Variants in MYO1D observed in about 807,000 individuals in gnomAD.
MYO1D encodes the protein unconventional myosin-Id.
In MYO1D, 83 loss-of-function variants were observed where a neutral mutation model predicts 122.0. The observed-to-expected ratio is 0.68, with a 90% CI of 0.57 to 0.82. The LOEUF is 0.82. MYO1D is among the 40% of genes least tolerant of loss of function. The pLI is 0.00. For synonymous variants in MYO1D, 464 were observed against 446.9 expected, an observed-to-expected ratio of 1.04 and a Z score of -0.48; for missense variants, 1,157 against 1,269.5, an observed-to-expected ratio of 0.91 and a Z score of 1.35.
chr17:32,517,105 C>T (rs890941935), intron 21 of MYO1D, among the ~76,000 whole-genome samples: 1 of 152,216 alleles, frequency 6.6e-6, no homozygotes, highest in African/African-American at 2.4e-5. Flanking sequence ...CCTTGAATTA[C>T]TGGCCCAACT....
At chr17:32,689,597 A>G (rs762052504) in intron 16 of MYO1D, among the ~76,000 whole-genome samples, 1 of 152,166 alleles carries the variant, frequency 6.6e-6, no homozygotes, top group Non-Finnish European at 1.5e-5. Flanking sequence ...CAGAATTAAC[A>G]ATGTGGTTAA....
intron 15 of MYO1D, among the ~76,000 whole-genome samples, chr17:32,713,632 C>CATGATT (rs1567962167): frequency 6.6e-6 from 1 of 151,628 alleles, no homozygotes; most frequent in Non-Finnish European, 1.5e-5. Flanking sequence ...ACATTAAATA[C>CATGATT]ATTATTATTA....
intron 21 of MYO1D, among the ~76,000 whole-genome samples, chr17:32,537,831 CA>C (rs1313796639): frequency 2.0e-5 from 3 of 152,136 alleles, no homozygotes; most frequent in Admixed American, 1.3e-4. Context: ...AAGTGGAAAA[CA>C]ATATAAATAT....
intron 1 of MYO1D, among the ~76,000 whole-genome samples, chr17:32,796,056 C>T (rs1400858712): frequency 6.6e-6 from 1 of 152,188 alleles, no homozygotes; most frequent in Non-Finnish European, 1.5e-5. Flanking sequence ...TAAACCAAAA[C>T]ATGAGAATGA....
chr17:32,861,129 C>T (rs1232922460), intron 1 of MYO1D, among the ~76,000 whole-genome samples: 6 of 148,688 alleles, frequency 4.0e-5, no homozygotes, highest in African/African-American at 1.3e-4. Flanking sequence ...ACTGCAGTGG[C>T]GCAACCTCAG....
At chr17:32,550,214 C>T (rs1422298090) in intron 21 of MYO1D, among the ~76,000 whole-genome samples, 1 of 151,964 alleles carries the variant, frequency 6.6e-6, no homozygotes, top group African/African-American at 2.4e-5. Flanking sequence ...ATTCTCGTGC[C>T]TCAGCCTTCC....
chr17:32,619,510 A>T (rs943426372), intron 20 of MYO1D, among the ~76,000 whole-genome samples: 3 of 152,304 alleles, frequency 2.0e-5, no homozygotes, highest in Admixed American at 6.5e-5. Flanking sequence ...AATGGCTCTC[A>T]ACCATGGCTA....
intron 20 of MYO1D, among the ~76,000 whole-genome samples, chr17:32,612,729 G>A (rs8078020): frequency 1.4e-5 from 2 of 144,622 alleles, no homozygotes; most frequent in African/African-American, 5.1e-5. Flanking sequence ...GAAGAAATTA[G>A]AAGAGAAAAA....
Position 32,618,819 on chromosome 17 carries a change from G to C in MYO1D, c.2710-13578C>G, listed in dbSNP as rs184419159. On this transcript the variant is annotated intron_variant, in intron 20 of 21. Coordinates refer to ENST00000318217, the MANE Select transcript of MYO1D (RefSeq NM_015194.3). ...CTGGCTAATTTTTGTATTTTTAGTA[G>C]AGACAAGGTTTCACCATGTTGGCCA... 2.9e-4 allele frequency among the ~76,000 whole-genome samples: 44 copies of C among 152,032 alleles called. 1 individual carries two copies. In the East Asian group the frequency reaches 7.8e-3, roughly 27 times the overall value.
At chr17:32,692,443 CG>C (rs1196833195) in intron 16 of MYO1D, among the ~76,000 whole-genome samples, 2 of 152,106 alleles carry the variant, frequency 1.3e-5, no homozygotes, top group Non-Finnish European at 1.5e-5. Flanking sequence ...CAATGAAATA[CG>C]TGGCAAAATT....
At chr17:32,870,240 C>G (rs1259926533) in intron 1 of MYO1D, among the ~76,000 whole-genome samples, 1 of 152,104 alleles carries the variant, frequency 6.6e-6, no homozygotes, top group East Asian at 1.9e-4. Context: ...TTTCCAAAGG[C>G]CTTCAAAAGA....
At chr17:32,697,962 G>A (rs1462922183) in intron 16 of MYO1D, among the ~76,000 whole-genome samples, 1 of 152,128 alleles carries the variant, frequency 6.6e-6, no homozygotes, top group Non-Finnish European at 1.5e-5. Flanking sequence ...TGCCACTATG[G>A]TACAAAAGTG....
intron 7 of MYO1D, among the ~76,000 whole-genome samples, chr17:32,766,592 G>A (rs2090060090): frequency 6.6e-6 from 1 of 152,044 alleles, no homozygotes; most frequent in South Asian, 2.1e-4. Flanking sequence ...TCAGGAGATC[G>A]AGACTGTCCT....
chr17:32,755,666 T>C lies in MYO1D; in HGVS notation c.1297-4A>G. 1.9e-6 allele frequency: 3 copies of C among 1,611,592 alleles called. No homozygotes were observed. The highest frequency in any genetic ancestry group is 2.5e-6 in the Non-Finnish European group (3 of 1,178,398). On this transcript the variant is annotated splice_polypyrimidine_tract_variant and splice_region_variant and intron_variant, in intron 10 of 21. Coordinates refer to ENST00000318217, the MANE Select transcript of MYO1D (RefSeq NM_015194.3). ...TCTGATTGTTGAAGTAGTCAATCTG[T>C]AGGACACAGCAAGGAGGGAATTCTG...
intron 16 of MYO1D, among the ~76,000 whole-genome samples, chr17:32,710,536 C>T (rs2089362294): frequency 6.6e-6 from 1 of 152,078 alleles, no homozygotes; most frequent in African/African-American, 2.4e-5. Flanking sequence ...ACATGAAAAG[C>T]CTTCTTAAAG....
intron 21 of MYO1D, among the ~76,000 whole-genome samples, chr17:32,547,995 G>A (rs974477603): frequency 2.6e-5 from 4 of 151,760 alleles, no homozygotes; most frequent in Non-Finnish European, 5.9e-5. Context: ...ATTTTGGACA[G>A]CCCAGTTCTT....
intron 21 of MYO1D, among the ~76,000 whole-genome samples, chr17:32,509,188 C>T (rs542916510): frequency 2.6e-5 from 4 of 152,234 alleles, no homozygotes; most frequent in South Asian, 2.1e-4. Flanking sequence ...TATCCTGCTC[C>T]GTGTAAGGGG....
At chr17:32,803,126 A>C (rs1375185467) in intron 1 of MYO1D, among the ~76,000 whole-genome samples, 1 of 152,094 alleles carries the variant, frequency 6.6e-6, no homozygotes, top group South Asian at 2.1e-4. Flanking sequence ...ATGTGAACCA[A>C]GTTGTGCCAG....
chr17:32,534,109 T>A (rs914445388), intron 21 of MYO1D, among the ~76,000 whole-genome samples: 3 of 152,342 alleles, frequency 2.0e-5, no homozygotes, highest in East Asian at 1.9e-4. Flanking sequence ...AGTAATTTTT[T>A]AAAGTTTTCC....
Sources: gnomAD v4.1 joint callset for allele counts (sites outside exome capture counted in the v4.1 genomes callset) on GRCh38, gnomAD v4.1.1 for gene constraint, MANE v1.5 for transcripts, NCBI Gene and HGNC (gene_info 2026-07-23, HGNC 2026-07-21) for gene names.